The following UBE2E1 variants were observed in gnomAD, a reference collection of about 807,000 sequenced individuals.
The protein encoded by UBE2E1 is ubiquitin conjugating enzyme E2 E1, also known as ubiquitin-conjugating enzyme E2 E1.
Under a neutral mutation model 21.4 loss-of-function variants are expected in UBE2E1, and 6 were observed. The ratio of observed to expected loss-of-function variants is 0.28; its 90% CI spans 0.15 to 0.55. The LOEUF is 0.55. UBE2E1 is among the 20% of genes least tolerant of loss of function. The pLI is 0.93. For synonymous variants in UBE2E1, 87 were observed against 82.7 expected (o/e 1.05, Z -0.28); for missense variants, 142 against 236.5 (o/e 0.60, Z 2.62).
At position 23,873,462 on chromosome 3, in the gene UBE2E1, G is replaced by C. The variant is rs1034242615; in HGVS notation, c.204-14105G>C. On this transcript the variant is annotated intron_variant, in intron 3 of 5. Coordinates refer to ENST00000306627, the MANE Select transcript of UBE2E1 (RefSeq NM_003341.5). ...AAGCAGCAGCAAAATGTCAGAATTA[G>C]GCAGTCGGGCGCGGTGGCTCACGCC... Among the ~76,000 whole-genome samples the C allele has an allele frequency of 2.6e-5, 4 of 151,934 alleles. No homozygotes were observed. In the East Asian group the frequency reaches 7.8e-4, roughly 30 times the overall value.
chr3:23,890,567 C>T lies in UBE2E1; in HGVS notation c.543C>T (p.Asp181=). 1 of 1,613,644 alleles carries T rather than the reference C, an allele frequency of 6.2e-7. No individual in the cohort carries two copies. The highest frequency in any genetic ancestry group is 8.5e-7 in the Non-Finnish European group (1 of 1,179,804). Reference sequence around the variant, plus strand: ...ATATGACCAACAGAGCAGAACATGACAGAATGGCCAGACAGTGGACCAAGA... The same window carrying T: ...ATATGACCAACAGAGCAGAACATGATAGAATGGCCAGACAGTGGACCAAGA... ...TQYMTNRAEH[D]RMARQWTKRY... is the part of the protein sequence containing the mutation. The change falls in exon 6 of 6, where the codon GAC becomes GAT. Residue 181 remains aspartate (D), a synonymous_variant. Coordinates refer to ENST00000306627, the MANE Select transcript of UBE2E1 (RefSeq NM_003341.5).
chr3:23,882,286 A>G lies in UBE2E1; in HGVS notation c.204-5281A>G, dbSNP rs551255496. Among the ~76,000 whole-genome samples, 18 of 152,312 alleles carry G rather than the reference A, an allele frequency of 1.2e-4. 1 individual carries two copies. In the South Asian group the frequency reaches 1.7e-3, roughly 14 times the overall value. On this transcript the variant is annotated intron_variant, in intron 3 of 5. Transcript: ENST00000306627. The stretch of plus-strand genomic sequence containing the variant: ...CAGGGTGCTGATTGGTGCGTTTACA[A>G]TCTCTGAGCTAGACACAAAAGTTCT...
rs1393294311 is a variant in UBE2E1, at chr3:23,810,049, GT to G, written c.153-1409del. Among the ~76,000 whole-genome samples the G allele has an allele frequency of 6.6e-6, 1 of 152,180 alleles. No individual in the cohort carries two copies. The highest frequency in any genetic ancestry group is 2.4e-5 in the African/African-American group (1 of 41,434). On this transcript the variant is annotated intron_variant, in intron 2 of 5. Transcript: ENST00000306627. This position sits in a 1 kb window ranked among gnomAD's most constrained non-coding sequence, Gnocchi z 5.8. The stretch of plus-strand genomic sequence containing the variant: ...CCCCCAGTCGTCGTCCTTAAAACCT[GT>G]TCCTCATTACATATAGCTCGTCCGT...
chr3:23,864,263 T>TC (rs1449480101), intron 3 of UBE2E1, among the ~76,000 whole-genome samples: 2 of 152,184 alleles, frequency 1.3e-5, no homozygotes, highest in Non-Finnish European at 2.9e-5. Flanking sequence ...CTTTTTTTTT[T>TC]CTCCCTGGAA....
At chr3:23,885,146 T>C (rs1015589240) in intron 3 of UBE2E1, among the ~76,000 whole-genome samples, 13 of 152,240 alleles carry the variant, frequency 8.5e-5, no homozygotes, top group African/African-American at 3.1e-4. Context: ...TCCAGACAAC[T>C]GTCTTCTTGC....
In UBE2E1 at chr3:23,807,238, G is replaced by A. The variant is rs1378138504; in HGVS notation, c.-32G>A. On this transcript the variant is annotated splice_region_variant and 5_prime_UTR_variant, in exon 2 of 6. Transcript: ENST00000306627. ...TGTTTTGTTTCTCTCCCCCTGCAGG[G>A]GCTGTTTGCGGGGTGGGGTGGGGGG... is the stretch of plus-strand genomic sequence containing the variant. 1 of 1,599,700 alleles carries A rather than the reference G, an allele frequency of 6.3e-7. No homozygotes were observed. The highest frequency in any genetic ancestry group is 8.5e-7 in the Non-Finnish European group (1 of 1,174,712).
intron 3 of UBE2E1, among the ~76,000 whole-genome samples, chr3:23,869,331 T>C (rs1700726579): frequency 6.6e-6 from 1 of 150,444 alleles, no homozygotes; most frequent in South Asian, 2.1e-4. Flanking sequence ...CTCCAACCTT[T>C]TTATAAACTT....
rs1035276732 is a variant in UBE2E1 at position 23,890,695 on chromosome 3, T to C, written c.*89T>C. On this transcript the variant is annotated 3_prime_UTR_variant, in exon 6 of 6. Transcript: ENST00000306627. ...AGGGGTCAGGGAGGGTGGGAGTTGG[T>C]AAAGAGTAGGGTATTTCTATAACAG... 6 of 1,149,230 alleles carry C rather than the reference T, an allele frequency of 5.2e-6. No homozygotes were observed. In the African/African-American group the frequency reaches 9.3e-5, roughly 18 times the overall value. 71.2% of individuals were successfully genotyped at this position (1,149,230 alleles called of 1,614,324 possible). A position where few individuals can be genotyped will look rare whatever the true frequency, so the allele number is the denominator to read the frequency against.
chr3:23,811,576 T>C, intron 3 of UBE2E1, 66 bp downstream of exon 3: 1 of 1,465,852 alleles, frequency 6.8e-7, no homozygotes, highest in Non-Finnish European at 9.5e-7. Context: ...GGTTTTTCTT[T>C]TTATTATATA....
At chr3:23,826,130 T>C (rs1234212386) in intron 3 of UBE2E1, among the ~76,000 whole-genome samples, 1 of 152,206 alleles carries the variant, frequency 6.6e-6, no homozygotes, top group Non-Finnish European at 1.5e-5. Context: ...TGTAAAACTT[T>C]TTTGGCATTA....
chr3:23,852,577 A>T (rs112900412), intron 3 of UBE2E1, among the ~76,000 whole-genome samples: 1 of 152,096 alleles, frequency 6.6e-6, no homozygotes, highest in South Asian at 2.1e-4. Context: ...TTCTTTTCCA[A>T]TCTGAATACT....
chr3:23,888,660 C>T lies in UBE2E1; in HGVS notation c.337-452C>T, dbSNP rs148415962. ...AATAGACTTCTCTTCAAATTTTGTT[C>T]AGCCTTTTGGGTGTAGTCATTGTTT... On this transcript the variant is annotated intron_variant, in intron 4 of 5. Coordinates refer to ENST00000306627, the MANE Select transcript of UBE2E1 (RefSeq NM_003341.5). Among the ~76,000 whole-genome samples, 189 of 152,286 alleles carry T rather than the reference C, an allele frequency of 1.2e-3. 1 individual carries two copies. The highest frequency in any genetic ancestry group is 4.4e-3 in the African/African-American group (183 of 41,556).
In UBE2E1 at chr3:23,886,439, C is replaced by T. The variant is rs141462408; in HGVS notation, c.204-1128C>T. On this transcript the variant is annotated intron_variant, in intron 3 of 5. Coordinates refer to ENST00000306627, the MANE Select transcript of UBE2E1 (RefSeq NM_003341.5). ...TTTGGGCCCTGTTCTTCCCATTACC[C>T]GCTATTCGGTTGCCCATATTTTCTC... 3.4e-4 allele frequency among the ~76,000 whole-genome samples: 52 copies of T among 152,284 alleles called. No individual in the cohort carries two copies. In the East Asian group the frequency reaches 9.8e-3, roughly 29 times the overall value.
intron 3 of UBE2E1, among the ~76,000 whole-genome samples, chr3:23,865,781 G>A (rs955441754): frequency 2.0e-4 from 31 of 152,288 alleles, no homozygotes; most frequent in African/African-American, 6.7e-4. Context: ...TGACTCTGCC[G>A]TCTGTTAACT....
intron 3 of UBE2E1, among the ~76,000 whole-genome samples, chr3:23,857,905 A>G (rs1488171162): frequency 1.3e-5 from 2 of 152,264 alleles, no homozygotes; most frequent in East Asian, 3.9e-4. Flanking sequence ...GCTGGAGTGC[A>G]GTGGTGCGAT....
chr3:23,826,322 G>A (rs1575811220), intron 3 of UBE2E1, among the ~76,000 whole-genome samples: 1 of 152,228 alleles, frequency 6.6e-6, no homozygotes, highest in Admixed American at 6.5e-5. Flanking sequence ...AAGTGTGAAT[G>A]TTTGTAATGC....
intron 3 of UBE2E1, among the ~76,000 whole-genome samples, chr3:23,845,433 T>C (rs1700175538): frequency 6.6e-6 from 1 of 152,152 alleles, no homozygotes; most frequent in African/African-American, 2.4e-5. Context: ...ACAATTCCCT[T>C]TTTCTAAGCA....
chr3:23,854,565 C>G lies in UBE2E1; in HGVS notation c.204-33002C>G, dbSNP rs138350044. Among the ~76,000 whole-genome samples the G allele has an allele frequency of 2.2e-3, 330 of 152,206 alleles. 1 individual carries two copies. Among genetic ancestry groups the G allele is most frequent in the African/African-American group, 7.4e-3 (307 of 41,522 alleles). On this transcript the variant is annotated intron_variant, in intron 3 of 5. Transcript: ENST00000306627. ...GGGCCAGTTTATCTTTTGGCCCAGG[C>G]TCTTTTGAGTCAGGTATCTATACTT...
At chr3:23,814,278 T>C (rs1435164175) in intron 3 of UBE2E1, among the ~76,000 whole-genome samples, 4 of 152,220 alleles carry the variant, frequency 2.6e-5, no homozygotes, top group Non-Finnish European at 2.9e-5. Flanking sequence ...TCAAAACTTA[T>C]GTGAAATGCA....
Sources: gnomAD v4.1 joint callset for allele counts (sites outside exome capture counted in the v4.1 genomes callset) on GRCh38, gnomAD v4.1.1 for gene constraint, Gnocchi (gnomAD v3.1) non-coding constraint, MANE v1.5 for transcripts, NCBI Gene and HGNC (gene_info 2026-07-23, HGNC 2026-07-21) for gene names.